CSMD1: variants seen among roughly 807,000 people sequenced by gnomAD.
CSMD1 encodes CUB and sushi domain-containing protein 1.
CSMD1 carries 213 observed loss-of-function variants against 417.5 expected under a neutral mutation model. That is an observed-to-expected ratio of 0.51 (90% CI 0.46 to 0.57). CSMD1 has a LOEUF of 0.57. Ranked by LOEUF, CSMD1 falls within the 20% of genes least tolerant of loss-of-function variation. The pLI, the probability that CSMD1 is intolerant of heterozygous loss-of-function variation, is 0.00. For missense variants in CSMD1, 6,923 were observed against 4,529.7 expected, an observed-to-expected ratio of 1.53 and a Z score of -15.17; for synonymous variants, 2,862 against 1,736.8, an observed-to-expected ratio of 1.65 and a Z score of -16.11.
intron 50 of CSMD1, among the ~76,000 whole-genome samples, chr8:3,039,304 C>A (rs909805543): frequency 2.7e-5 from 4 of 148,468 alleles, no homozygotes; most frequent in Non-Finnish European, 6.0e-5. Context: ...CTTCCTTCCT[C>A]TCTCCCTCCC....
At chr8:3,340,357 T>C (rs1463220938) in intron 23 of CSMD1, among the ~76,000 whole-genome samples, 3 of 152,220 alleles carry the variant, frequency 2.0e-5, no homozygotes, top group African/African-American at 4.8e-5. Context: ...TAAAGAAATA[T>C]TGTTTGTACC....
At chr8:2,950,414 G>A in intron 66 of CSMD1, 71 bp from the exon 67 acceptor site, 1 of 862,686 alleles carries the variant, frequency 1.2e-6, no homozygotes, top group South Asian at 1.3e-5. Context: ...TCCATTTGAT[G>A]TGGAATGTGG....
At chr8:4,906,956 G>C (rs574749520) in intron 1 of CSMD1, among the ~76,000 whole-genome samples, 1 of 152,266 alleles carries the variant, frequency 6.6e-6, no homozygotes, top group South Asian at 2.1e-4. Context: ...TTTCCTAAAT[G>C]ACTTGCCTAC....
At chr8:3,318,216 G>C (rs1210687087) in intron 23 of CSMD1, among the ~76,000 whole-genome samples, 2 of 152,088 alleles carry the variant, frequency 1.3e-5, no homozygotes, top group African/African-American at 2.4e-5. Flanking sequence ...ATCTTTCATA[G>C]TATAACTTCT....
chr8:4,349,888 G>A (rs1392933104), intron 3 of CSMD1, among the ~76,000 whole-genome samples: 4 of 150,510 alleles, frequency 2.7e-5, no homozygotes, highest in African/African-American at 9.8e-5. Flanking sequence ...AAAAGACAGG[G>A]AGCCAAAATA....
At chr8:4,447,986 A>G (rs1035388972) in intron 2 of CSMD1, among the ~76,000 whole-genome samples, 1 of 152,168 alleles carries the variant, frequency 6.6e-6, no homozygotes, top group East Asian at 1.9e-4. Flanking sequence ...GCCTCTTGGA[A>G]ATTTTTGCCA....
At chr8:2,939,597 C>G (rs599016) in intron 69 of CSMD1, among the ~76,000 whole-genome samples, 14 of 152,188 alleles carry the variant, frequency 9.2e-5, no homozygotes, top group Admixed American at 2.0e-4. Context: ...CGTGGCAAAA[C>G]CAGAAATTTA....
intron 18 of CSMD1, among the ~76,000 whole-genome samples, chr8:3,387,221 C>T (rs184452128): frequency 1.1e-4 from 16 of 152,288 alleles, no homozygotes; most frequent in Admixed American, 1.0e-3. Context: ...TCAATAAATA[C>T]CATATGTAAA....
chr8:3,753,587 A>G (rs1386694738), intron 6 of CSMD1, among the ~76,000 whole-genome samples: 4 of 152,230 alleles, frequency 2.6e-5, no homozygotes, highest in African/African-American at 9.6e-5. Context: ...ATGCTATAGC[A>G]TGCTTAACAT....
At chr8:3,498,415 T>C (rs578140765) in intron 10 of CSMD1, among the ~76,000 whole-genome samples, 1 of 152,310 alleles carries the variant, frequency 6.6e-6, no homozygotes, top group South Asian at 2.1e-4. Flanking sequence ...AATTACAAAA[T>C]CACCAGGAGA....
At chr8:3,384,047 C>G (rs1810808307) in intron 18 of CSMD1, among the ~76,000 whole-genome samples, 1 of 152,016 alleles carries the variant, frequency 6.6e-6, no homozygotes, top group Non-Finnish European at 1.5e-5. Context: ...CCCTGGGAGG[C>G]AGTGACTGGG....
chr8:4,312,092 G>A (rs1298157169), intron 3 of CSMD1, among the ~76,000 whole-genome samples: 1 of 152,006 alleles, frequency 6.6e-6, no homozygotes, highest in African/African-American at 2.4e-5. Context: ...TCAATTTCCA[G>A]GAGTTAAAAA....
chr8:4,040,470 A>T (rs1000076049), intron 3 of CSMD1, among the ~76,000 whole-genome samples: 1 of 152,224 alleles, frequency 6.6e-6, no homozygotes, highest in Non-Finnish European at 1.5e-5. Flanking sequence ...ATGGATTCAG[A>T]ATCTCTACTT....
chr8:4,994,400 C>T lies in CSMD1; in HGVS notation c.17G>A (p.Arg6Lys), dbSNP rs943893547. 1 of 1,612,330 alleles carries T rather than the reference C, an allele frequency of 6.2e-7. No homozygotes were observed. Among genetic ancestry groups the T allele is most frequent in the Non-Finnish European group, 8.5e-7 (1 of 1,179,810 alleles). MTAWR[R>K]FQSLLLLLGL... is the part of the protein sequence containing the mutation. ...GAGAAGCAGGAGCAGCGACTGGAATCTCCTCCACGCAGTCATGTCTGCAGA... is the reference window on the plus strand; with the variant it reads ...GAGAAGCAGGAGCAGCGACTGGAATTTCCTCCACGCAGTCATGTCTGCAGA... Residue 6 changes from arginine to lysine, a missense_variant, in exon 1 of 70, where the codon AGA (arginine) becomes AAA (lysine). Arg to Lys is a conservative substitution (Grantham distance 26). Transcript: ENST00000635120.
chr8:3,492,450 C>G (rs1163580432), intron 11 of CSMD1, among the ~76,000 whole-genome samples: 1 of 152,206 alleles, frequency 6.6e-6, no homozygotes, highest in Admixed American at 6.5e-5. Context: ...ACCTGCAGAA[C>G]ACTTTCCATT....
intron 3 of CSMD1, among the ~76,000 whole-genome samples, chr8:4,086,200 C>G (rs1175676559): frequency 1.3e-5 from 2 of 152,070 alleles, no homozygotes; most frequent in African/African-American, 4.8e-5. Flanking sequence ...AACCTTACAG[C>G]TACAAAGTAT....
chr8:4,042,727 G>C (rs999597861), intron 3 of CSMD1, among the ~76,000 whole-genome samples: 1 of 147,554 alleles, frequency 6.8e-6, no homozygotes, highest in African/African-American at 2.5e-5. Flanking sequence ...TGACAGAAAT[G>C]ACAGCAATAC....
intron 1 of CSMD1, among the ~76,000 whole-genome samples, chr8:4,755,084 G>A (rs532408265): frequency 6.6e-6 from 1 of 152,144 alleles, no homozygotes; most frequent in African/African-American, 2.4e-5. Context: ...GTTGCAGTGA[G>A]CCGATATGGT....
intron 3 of CSMD1, among the ~76,000 whole-genome samples, chr8:4,162,811 T>C (rs1010464910): frequency 6.6e-6 from 1 of 152,158 alleles, no homozygotes; most frequent in South Asian, 2.1e-4. Flanking sequence ...ATGCTATGGG[T>C]GTGGATAAAT....
Sources: gnomAD v4.1 joint callset for allele counts (sites outside exome capture counted in the v4.1 genomes callset) on GRCh38, gnomAD v4.1.1 for gene constraint, MANE v1.5 for transcripts, NCBI Gene and HGNC (gene_info 2026-07-23, HGNC 2026-07-21) for gene names.